Variants in DDIAS observed in about 807,000 individuals in gnomAD.
DDIAS encodes the protein DNA damage-induced apoptosis suppressor protein.
DDIAS carries 14 observed loss-of-function variants against 15.7 expected under a neutral mutation model. The ratio of observed to expected loss-of-function variants is 0.89; its 90% CI spans 0.59 to 1.39. DDIAS has a LOEUF of 1.39. Ranked by LOEUF, DDIAS falls within the 40% of genes most tolerant of loss-of-function variation. The pLI is 0.00. For synonymous variants in DDIAS, 355 were observed against 395.9 expected (o/e 0.90, Z 1.23); for missense variants, 1,035 against 1,130.9 (o/e 0.92, Z 1.22).
Position 82,931,973 on chromosome 11 carries a change from G to T in DDIAS, c.635G>T (p.Ser212Ile), listed in dbSNP as rs372280162. 6.2e-7 allele frequency: 1 copy of T among 1,614,042 alleles called. No homozygotes were observed. Among genetic ancestry groups the T allele is most frequent in the East Asian group, 2.2e-5 (1 of 44,874 alleles). Reference protein sequence around the residue: ...NHLLALDHSNSDLSSIYTSDS... With the variant: ...NHLLALDHSNIDLSSIYTSDS... ...TTACTTGCTTTAGATCACTCAAATA[G>T]TGATCTCAGCAGCATATATACTTCT... The change falls in exon 6 of 6, where the codon AGT (serine) becomes ATT (isoleucine). Residue 212 changes from serine (S) to isoleucine (I), a missense_variant. Coordinates refer to ENST00000533655, the MANE Select transcript of DDIAS (RefSeq NM_145018.4).
rs548458664 is a variant in DDIAS, at chr11:82,919,165, T to C, written c.113+4314T>C. ...AGAATGGTGAGAGTGGGCATCCTTG[T>C]CTTGTTCCAATTCTCAGAGGGAATG... is the stretch of plus-strand genomic sequence containing the variant. On this transcript the variant is annotated intron_variant, in intron 3 of 5. Transcript: ENST00000533655. 8.5e-5 allele frequency among the ~76,000 whole-genome samples: 13 copies of C among 152,350 alleles called. No homozygotes were observed. The South Asian group carries it at 2.5e-3, about 29-fold the overall frequency.
chr11:82,914,907 TC>T, intron 3 of DDIAS, 56 bp downstream of exon 3: 2 of 1,200,578 alleles, frequency 1.7e-6, no homozygotes, highest in Non-Finnish European at 2.4e-6. Context: ...ACTGTAGATT[TC>T]CTATGGCTCA....
intron 4 of DDIAS, 54 bp downstream of exon 4, chr11:82,928,992 C>T: frequency 6.4e-7 from 1 of 1,555,588 alleles, no homozygotes; most frequent in East Asian, 2.3e-5. Context: ...TTTGAAGATA[C>T]AAGTTTATAA....
chr11:82,903,372 A>G (rs1156914100), intron 1 of DDIAS, among the ~76,000 whole-genome samples: 2 of 152,230 alleles, frequency 1.3e-5, no homozygotes, highest in Non-Finnish European at 2.9e-5. Context: ...GGGAGGAATG[A>G]CAAATGACTC....
chr11:82,913,550 G>A (rs1472733837), intron 2 of DDIAS, 164 bp downstream of exon 2: 6 of 299,776 alleles, frequency 2.0e-5, no homozygotes, highest in Non-Finnish European at 3.9e-5. Context: ...TGGCCTTCCT[G>A]ATGTGTTTTA....
At chr11:82,912,510 C>T (rs750541321) in intron 1 of DDIAS, among the ~76,000 whole-genome samples, 1 of 152,184 alleles carries the variant, frequency 6.6e-6, no homozygotes, top group Non-Finnish European at 1.5e-5. Flanking sequence ...TCAACTCTCT[C>T]AGCCTTCATA....
At chr11:82,923,220 G>A (rs1860793467) in intron 3 of DDIAS, among the ~76,000 whole-genome samples, 1 of 152,160 alleles carries the variant, frequency 6.6e-6, no homozygotes, top group Non-Finnish European at 1.5e-5. Flanking sequence ...TGCTTTGTCC[G>A]AGTTGGAGCT....
At chr11:82,907,541 A>C (rs542811546) in intron 1 of DDIAS, among the ~76,000 whole-genome samples, 1 of 152,270 alleles carries the variant, frequency 6.6e-6, no homozygotes, top group South Asian at 2.1e-4. Context: ...ATAGTTCTTC[A>C]TTCATGCAAT....
chr11:82,919,874 C>T (rs955371785), intron 3 of DDIAS, among the ~76,000 whole-genome samples: 1 of 152,086 alleles, frequency 6.6e-6, no homozygotes, highest in Non-Finnish European at 1.5e-5. Flanking sequence ...TACTGGTGCC[C>T]ACCACCATGC....
intron 1 of DDIAS, among the ~76,000 whole-genome samples, chr11:82,910,418 C>T (rs1860507163): frequency 6.6e-6 from 1 of 151,214 alleles, no homozygotes; most frequent in Non-Finnish European, 1.5e-5. Context: ...GCTGGGATTA[C>T]AGGTGCACAC....
At position 82,933,979 on chromosome 11, in the gene DDIAS, C is replaced by G. The variant is rs1464128798; in HGVS notation, c.2641C>G (p.Gln881Glu). Residue 881 changes from glutamine to glutamate, a missense_variant, in exon 6 of 6, where the codon CAA becomes GAA. Transcript: ENST00000533655. ...KIFPSDMLGF[Q>E]GIGLGKCLAA... ...ATTTCCTTCAGATATGCTTGGATTC[C>G]AAGGCATAGGTCTAGGGAAATGCCT... is the stretch of plus-strand genomic sequence containing the variant. 1 of 1,612,728 alleles carries G rather than the reference C, an allele frequency of 6.2e-7. No homozygotes were observed. Among genetic ancestry groups the G allele is most frequent in the Non-Finnish European group, 8.5e-7 (1 of 1,179,696 alleles).
intron 1 of DDIAS, among the ~76,000 whole-genome samples, chr11:82,907,731 A>T (rs1359499553): frequency 6.6e-6 from 1 of 152,182 alleles, no homozygotes; most frequent in Non-Finnish European, 1.5e-5. Flanking sequence ...TGTAGAGATG[A>T]GTTCTTGCTG....
chr11:82,925,889 G>A (rs1385660425), intron 3 of DDIAS, among the ~76,000 whole-genome samples: 1 of 151,786 alleles, frequency 6.6e-6, no homozygotes, highest in East Asian at 2.0e-4. Flanking sequence ...TCGGGAGGCT[G>A]AGGCAGGAGA....
Position 82,934,221 on chromosome 11 carries a change from T to C in DDIAS, c.2883T>C (p.Pro961=), listed in dbSNP as rs1441954370. The C allele has an allele frequency of 3.7e-6, 6 of 1,614,036 alleles. No individual in the cohort carries two copies. The Admixed American group carries it at 1.0e-4, about 27-fold the overall frequency. ...TCTTAGCAGCACCTCAGCTGCACCC[T>C]ATTCTTGGACCTGATTCTTGTTCAG... The part of the protein sequence containing the change: ...IQVLAAPQLH[P]ILGPDSCSEV... Residue 961 remains proline (P), a synonymous_variant, in exon 6 of 6, where the codon CCT becomes CCC. Coordinates refer to ENST00000533655, the MANE Select transcript of DDIAS (RefSeq NM_145018.4).
At chr11:82,928,715 T>G in intron 3 of DDIAS, 62 bp from the exon 4 acceptor site, 4 of 1,548,276 alleles carry the variant, frequency 2.6e-6, no homozygotes, top group Non-Finnish European at 3.5e-6. Context: ...CTGTTCTGGA[T>G]TTTTCATCAT....
At chr11:82,918,616 A>G (rs939250590) in intron 3 of DDIAS, among the ~76,000 whole-genome samples, 1 of 152,204 alleles carries the variant, frequency 6.6e-6, no homozygotes, top group Non-Finnish European at 1.5e-5. Context: ...TCTGTGAAGA[A>G]TGATGGTGGT....
intron 3 of DDIAS, among the ~76,000 whole-genome samples, chr11:82,923,128 G>T (rs1346841865): frequency 6.6e-6 from 1 of 152,172 alleles, no homozygotes; most frequent in African/African-American, 2.4e-5. Flanking sequence ...TCCTTCAGAG[G>T]GTCTGTGGGT....
intron 1 of DDIAS, among the ~76,000 whole-genome samples, chr11:82,911,703 CT>C (rs1860533288): frequency 6.6e-6 from 1 of 152,216 alleles, no homozygotes; most frequent in East Asian, 1.9e-4. Flanking sequence ...TTCTTATTAG[CT>C]TCTAGCATGG....
Position 82,933,014 on chromosome 11 carries a change from T to A in DDIAS, c.1676T>A (p.Ile559Asn). The A allele has an allele frequency of 6.2e-7, 1 of 1,609,168 alleles. No individual in the cohort carries two copies. Among genetic ancestry groups the A allele is most frequent in the Non-Finnish European group, 8.5e-7 (1 of 1,179,548 alleles). ...ACAATAGTTACTCTTAAGAAGACTA[T>A]CAGAATCTCACCACACAGGGAGAGT... ...LETIVTLKKTIRISPHRESDH... is the reference protein window; with the variant it reads ...LETIVTLKKTNRISPHRESDH... Residue 559 changes from isoleucine to asparagine, a missense_variant, in exon 6 of 6, where the codon ATC becomes AAC. Coordinates refer to ENST00000533655, the MANE Select transcript of DDIAS (RefSeq NM_145018.4).
Sources: allele counts gnomAD v4.1 joint callset (sites outside exome capture counted in the v4.1 genomes callset), GRCh38; gene constraint gnomAD v4.1.1; transcripts MANE v1.5; gene names NCBI Gene and HGNC (gene_info 2026-07-23, HGNC 2026-07-21).